ADAMTS8: variants seen among roughly 807,000 people sequenced by gnomAD.
ADAMTS8 encodes ADAM metallopeptidase with thrombospondin type 1 motif 8.
Under a neutral mutation model 64.4 loss-of-function variants are expected in ADAMTS8, and 50 were observed. That is an observed-to-expected ratio of 0.78 (90% CI 0.62 to 0.98). The LOEUF is 0.98. Ranked by LOEUF, ADAMTS8 falls within the 50% of genes least tolerant of loss-of-function variation. ADAMTS8 has a pLI of 0.00. For synonymous variants in ADAMTS8, 556 were observed against 533.6 expected (o/e 1.04, Z -0.58); for missense variants, 1,192 against 1,208.2 (o/e 0.99, Z 0.20).
intron 5 of ADAMTS8, among the ~76,000 whole-genome samples, chr11:130,412,370 C>A (rs6590457): frequency 6.6e-6 from 1 of 152,138 alleles, no homozygotes; most frequent in African/African-American, 2.4e-5. Flanking sequence ...CACACCTCCA[C>A]GCCTGGCTAA....
In ADAMTS8 at chr11:130,406,184, G is replaced by T; in HGVS notation, c.2100-56C>A. ...CCAGTGGCTGCCCAGCCCAGGTCAC[G>T]ATGATGCCTTGGAGACTGAAGTGGG... On this transcript the variant is annotated intron_variant, in intron 8 of 8. Transcript: ENST00000257359. 4.5e-6 allele frequency: 7 copies of T among 1,552,964 alleles called. 1 individual carries two copies. In the South Asian group the frequency reaches 8.3e-5, roughly 18 times the overall value.
chr11:130,425,477 A>G (rs1862151493), intron 1 of ADAMTS8, among the ~76,000 whole-genome samples: 1 of 151,644 alleles, frequency 6.6e-6, no homozygotes, highest in Non-Finnish European at 1.5e-5. Flanking sequence ...TGGCTTTCCT[A>G]TGTTTTGGTT....
In ADAMTS8 at chr11:130,417,402, G is replaced by A. The variant is rs868275786; in HGVS notation, c.961-327C>T. 1.3e-4 allele frequency among the ~76,000 whole-genome samples: 20 copies of A among 151,984 alleles called. No homozygotes were observed. The South Asian group carries it at 3.3e-3, about 25-fold the overall frequency. On this transcript the variant is annotated intron_variant, in intron 2 of 8. Transcript: ENST00000257359. The stretch of plus-strand genomic sequence containing the variant: ...CTCCCAAGTAGTTAGGACTACAGGC[G>A]TGCACCACCACACCTGGCTAATTTT...
In ADAMTS8 at chr11:130,405,110, T is replaced by C; in HGVS notation, c.*448A>G. The C allele has an allele frequency of 1.0e-6, 1 of 992,334 alleles. No homozygotes were observed. Among genetic ancestry groups the C allele is most frequent in the Non-Finnish European group, 1.2e-6 (1 of 834,432 alleles). 61.5% of individuals were successfully genotyped at this position (992,334 alleles called of 1,614,324 possible). ...CTTGAAGACAGCTTGGGGTCCAGCT[T>C]TGGAGCCTGCTTTGACATTCACCAT... On this transcript the variant is annotated 3_prime_UTR_variant, in exon 9 of 9. Transcript: ENST00000257359.
chr11:130,424,672 G>A (rs1353015396), intron 1 of ADAMTS8, among the ~76,000 whole-genome samples: 1 of 152,152 alleles, frequency 6.6e-6, no homozygotes, highest in Non-Finnish European at 1.5e-5. Context: ...CTTGAGGCAC[G>A]GGAACTTGAT....
chr11:130,414,864 A>G (rs1377993125), intron 4 of ADAMTS8, 32 bp from the exon 5 acceptor site: 11 of 1,564,784 alleles, frequency 7.0e-6, no homozygotes, highest in Non-Finnish European at 9.5e-6. Context: ...GTGTAAGAAC[A>G]TGCACAGGGC....
Position 130,414,716 on chromosome 11 carries a change from G to T in ADAMTS8, c.1381C>A (p.Arg461Ser). The change falls in exon 5 of 9, where the codon CGC becomes AGC. Residue 461 changes from arginine to serine, a missense_variant. By Grantham distance (110) the Arg-to-Ser change is moderately radical. Coordinates refer to ENST00000257359, the MANE Select transcript of ADAMTS8 (RefSeq NM_007037.6). ...TGAGCAGAGGTGTTGGGGCAGTGGC[G>T]GAAATCCGGCCCAAAGATCTGCCTG... ...QCRQIFGPDF[R>S]HCPNTSAQDV... The T allele has an allele frequency of 1.2e-6, 2 of 1,613,806 alleles. No homozygotes were observed. The highest frequency in any genetic ancestry group is 1.1e-5 in the South Asian group (1 of 91,088).
In ADAMTS8 at chr11:130,417,038, C is replaced by T; in HGVS notation, c.998G>A (p.Gly333Asp). Reference sequence around the variant, plus strand: ...ACAAATGGTCCCGATGTCTGCCACACCCAGGGTGTCACACAGCCCCTCCTG... The same window carrying T: ...ACAAATGGTCCCGATGTCTGCCACATCCAGGGTGTCACACAGCCCCTCCTG... ...CGQEGLCDTL[G>D]VADIGTICDP... The change falls in exon 3 of 9, where the codon GGT becomes GAT. Residue 333 changes from glycine (G) to aspartate (D), a missense_variant. This residue lies in a region of ADAMTS8 where 741 missense variants were observed against 710.6 expected (regional missense o/e 1.04). Transcript: ENST00000257359. The T allele has an allele frequency of 1.2e-6, 2 of 1,613,986 alleles. No homozygotes were observed. Among genetic ancestry groups the T allele is most frequent in the Non-Finnish European group, 1.7e-6 (2 of 1,180,022 alleles).
Position 130,414,689 on chromosome 11 carries a change from C to A in ADAMTS8, c.1408G>T (p.Asp470Tyr). The part of the protein sequence containing the change: ...FRHCPNTSAQ[D>Y]VCAQLWCHTD... ...TGGCACCAAAGCTGGGCGCAGACGTCCTGAGCAGAGGTGTTGGGGCAGTGG... is the reference window on the plus strand; with the variant it reads ...TGGCACCAAAGCTGGGCGCAGACGTACTGAGCAGAGGTGTTGGGGCAGTGG... Residue 470 changes from aspartate (D) to tyrosine (Y), a missense_variant, in exon 5 of 9, where the codon GAC becomes TAC. Asp to Tyr is a radical substitution (Grantham distance 160). Transcript: ENST00000257359. 6.2e-7 allele frequency: 1 copy of A among 1,613,850 alleles called. No homozygotes were observed.
rs753841971 is a variant in ADAMTS8 at position 130,411,398 on chromosome 11, G to A, written c.1750+19C>T. ...TGATAGTAGCTGCTCTGGCAGGGGC[G>A]GCCCTGAGTGGTAATTACCGTCAGG... On this transcript the variant is annotated intron_variant, in intron 6 of 8. Transcript: ENST00000257359. This position sits in a 1 kb window ranked among gnomAD's most constrained non-coding sequence, Gnocchi z 4.2. 1.4e-5 allele frequency: 22 copies of A among 1,610,430 alleles called. No homozygotes were observed. Among genetic ancestry groups the A allele is most frequent in the Middle Eastern group, 1.7e-4 (1 of 6,060 alleles).
Position 130,416,416 on chromosome 11 carries a change from C to T in ADAMTS8, c.1097-86G>A. ...AGCTAGGGACAGAGATGGAGCTCCTCAGGGGAGCAGCCACCCCCTCACTCT... is the reference window on the plus strand; with the variant it reads ...AGCTAGGGACAGAGATGGAGCTCCTTAGGGGAGCAGCCACCCCCTCACTCT... On this transcript the variant is annotated intron_variant, in intron 3 of 8. Coordinates refer to ENST00000257359, the MANE Select transcript of ADAMTS8 (RefSeq NM_007037.6). The surrounding 1 kb of genome is among the most constrained non-coding windows in gnomAD (Gnocchi z 4.8). 1 of 1,401,024 alleles carries T rather than the reference C, an allele frequency of 7.1e-7. No homozygotes were observed. Among genetic ancestry groups the T allele is most frequent in the Non-Finnish European group, 9.4e-7 (1 of 1,059,302 alleles). 86.8% of individuals were successfully genotyped at this position (1,401,024 alleles called of 1,614,324 possible). A position where few individuals can be genotyped will look rare whatever the true frequency, so the allele number is the denominator to read the frequency against.
intron 2 of ADAMTS8, among the ~76,000 whole-genome samples, chr11:130,418,390 A>T (rs142590489): frequency 5.8e-4 from 89 of 152,152 alleles, no homozygotes; most frequent in African/African-American, 2.0e-3. Flanking sequence ...CTGGGACTTC[A>T]AAGGCTTTTT....
Position 130,405,494 on chromosome 11 carries a change from G to A in ADAMTS8, c.*64C>T. On this transcript the variant is annotated 3_prime_UTR_variant, in exon 9 of 9. Coordinates refer to ENST00000257359, the MANE Select transcript of ADAMTS8 (RefSeq NM_007037.6). The stretch of plus-strand genomic sequence containing the variant: ...CAAGGGACCCAGTCACCACAGTGGA[G>A]ACCCTTGTCTGCACCTCAGTACCGC... 6.6e-7 allele frequency: 1 copy of A among 1,521,868 alleles called. No homozygotes were observed. The highest frequency in any genetic ancestry group is 8.8e-7 in the Non-Finnish European group (1 of 1,139,502). 94.3% of individuals were successfully genotyped at this position (1,521,868 alleles called of 1,614,324 possible). A position where few individuals can be genotyped will look rare whatever the true frequency, so the allele number is the denominator to read the frequency against.
chr11:130,417,838 G>A (rs1592132506), intron 2 of ADAMTS8, among the ~76,000 whole-genome samples: 1 of 151,928 alleles, frequency 6.6e-6, no homozygotes, highest in Non-Finnish European at 1.5e-5. Flanking sequence ...CAGTTCACCC[G>A]TCCCCCATCT....
Position 130,411,632 on chromosome 11 carries a change from G to A in ADAMTS8, c.1567-32C>T. On this transcript the variant is annotated intron_variant, in intron 5 of 8. Transcript: ENST00000257359. This position sits in a 1 kb window ranked among gnomAD's most constrained non-coding sequence, Gnocchi z 4.2. ...CATACAATGGCACACTGAATGAGGAGCAAAGGCCAGGAGGCTTCAGTATCT... is the reference window on the plus strand; with the variant it reads ...CATACAATGGCACACTGAATGAGGAACAAAGGCCAGGAGGCTTCAGTATCT... The A allele has an allele frequency of 6.2e-7, 1 of 1,610,228 alleles. No individual in the cohort carries two copies.
At chr11:130,421,970 C>G (rs1438102947) in intron 1 of ADAMTS8, among the ~76,000 whole-genome samples, 1 of 152,264 alleles carries the variant, frequency 6.6e-6, no homozygotes, top group South Asian at 2.1e-4. Context: ...ATCAGCAGAG[C>G]AGCCGCCCCC....
intron 1 of ADAMTS8, among the ~76,000 whole-genome samples, chr11:130,426,762 G>C (rs574751507): frequency 2.6e-5 from 4 of 152,352 alleles, no homozygotes; most frequent in African/African-American, 9.6e-5. Context: ...CTGTGTCTGG[G>C]CTAAGGGCAG....
At chr11:130,417,344 C>T (rs571217294) in intron 2 of ADAMTS8, among the ~76,000 whole-genome samples, 12 of 152,016 alleles carry the variant, frequency 7.9e-5, no homozygotes, top group African/African-American at 2.2e-4. Flanking sequence ...GCATCCTCTG[C>T]TTATGGGGTT....
At position 130,411,569 on chromosome 11, in the gene ADAMTS8, C is replaced by T; in HGVS notation, c.1598G>A (p.Gly533Glu). ...PVADGGWAPW[G>E]PWGECSRTCG... ...GGTCCGAGAACATTCTCCCCAGGGT[C>T]CCCACGGTGCCCAGCCTCCATCTGC... The change falls in exon 6 of 9, where the codon GGA (glycine) becomes GAA (glutamate). Residue 533 changes from glycine (G) to glutamate (E), a missense_variant. This residue lies in a region of ADAMTS8 where 290 missense variants were observed against 297.8 expected (regional missense o/e 0.97). Transcript: ENST00000257359. The surrounding 1 kb of genome is among the most constrained non-coding windows in gnomAD (Gnocchi z 4.2). 1 of 1,614,098 alleles carries T rather than the reference C, an allele frequency of 6.2e-7. No homozygotes were observed. The highest frequency in any genetic ancestry group is 8.5e-7 in the Non-Finnish European group (1 of 1,180,008).
Sources: gnomAD v4.1 joint callset for allele counts (sites outside exome capture counted in the v4.1 genomes callset) on GRCh38, gnomAD v4.1.1 for gene constraint, gnomAD v4.1.1 regional missense constraint, Gnocchi (gnomAD v3.1) non-coding constraint, MANE v1.5 for transcripts, NCBI Gene and HGNC (gene_info 2026-07-23, HGNC 2026-07-21) for gene names.